The following DPP10 variants were observed in gnomAD, a reference collection of about 807,000 sequenced individuals.
DPP10 encodes the protein inactive dipeptidyl peptidase 10.
Under a neutral mutation model 120.9 loss-of-function variants are expected in DPP10, and 33 were observed. The ratio of observed to expected loss-of-function variants is 0.27; its 90% CI spans 0.21 to 0.37. The LOEUF (loss-of-function observed/expected upper bound fraction) is 0.37, where lower values mean the gene tolerates loss of function less well. Ranked by LOEUF, DPP10 falls within the 10% of genes least tolerant of loss-of-function variation. The pLI is 1.00. For synonymous variants in DPP10, 337 were observed against 326.1 expected, an observed-to-expected ratio of 1.03 and a Z score of -0.36; for missense variants, 816 against 942.8, an observed-to-expected ratio of 0.87 and a Z score of 1.76.
intron 1 of DPP10, among the ~76,000 whole-genome samples, chr2:115,132,919 G>A (rs942672161): frequency 2.2e-4 from 33 of 151,742 alleles, no homozygotes; most frequent in African/African-American, 7.8e-4. Context: ...TGTCATTCCA[G>A]AATTCTCCAT....
chr2:115,695,791 G>A (rs762722943), intron 7 of DPP10, among the ~76,000 whole-genome samples: 2 of 152,084 alleles, frequency 1.3e-5, no homozygotes, highest in East Asian at 3.9e-4. Flanking sequence ...AAGCAATAAG[G>A]AAGTATGGCC....
chr2:114,859,221 G>A (rs62165245), intron 1 of DPP10, among the ~76,000 whole-genome samples: 13,706 of 151,888 alleles, frequency 0.09, 687 homozygotes, highest in Non-Finnish European at 0.12. Flanking sequence ...CACAGAATTA[G>A]CCAGGAGTGG....
At chr2:114,927,939 C>T (rs1027621235) in intron 1 of DPP10, among the ~76,000 whole-genome samples, 1 of 152,056 alleles carries the variant, frequency 6.6e-6, no homozygotes, top group Admixed American at 6.6e-5. Flanking sequence ...CTCTTTTTAT[C>T]AACCAACTCT....
At chr2:115,579,977 C>A (rs2081922506) in intron 5 of DPP10, 3 of 152,140 alleles carry the variant, frequency 2.0e-5, no homozygotes. Context: ...CCCTCCCCCA[C>A]TCCACCCCCT....
intron 1 of DPP10, among the ~76,000 whole-genome samples, chr2:115,263,534 G>C (rs993533876): frequency 6.6e-6 from 1 of 152,220 alleles, no homozygotes. Context: ...AGCTTGCCTA[G>C]TCAAGCTTCA....
chr2:114,737,859 A>G (rs1214520699), intron 1 of DPP10, among the ~76,000 whole-genome samples: 1 of 152,238 alleles, frequency 6.6e-6, no homozygotes, highest in African/African-American at 2.4e-5. Context: ...GGAATGAGGT[A>G]TAATATGTAA....
chr2:114,726,394 A>C (rs935223648), intron 1 of DPP10, among the ~76,000 whole-genome samples: 1 of 152,142 alleles, frequency 6.6e-6, no homozygotes, highest in Non-Finnish European at 1.5e-5. Flanking sequence ...GACCTCCTTA[A>C]CTTGTCATAA....
At chr2:115,445,380 C>T (rs2072481071) in intron 3 of DPP10, among the ~76,000 whole-genome samples, 1 of 152,104 alleles carries the variant, frequency 6.6e-6, no homozygotes, top group African/African-American at 2.4e-5. Context: ...CAGAAGAAGA[C>T]AGGAAGATAT....
chr2:115,680,939 C>G (rs1297891415), intron 5 of DPP10, among the ~76,000 whole-genome samples: 1 of 151,854 alleles, frequency 6.6e-6, no homozygotes, highest in Non-Finnish European at 1.5e-5. Context: ...GTGATTACAG[C>G]TTATGACAGG....
intron 1 of DPP10, among the ~76,000 whole-genome samples, chr2:114,804,953 T>C (rs995702518): frequency 2.6e-5 from 4 of 152,132 alleles, no homozygotes; most frequent in Non-Finnish European, 2.9e-5. Flanking sequence ...TCAATTTGAA[T>C]TGTATCTCCC....
chr2:114,999,145 C>G (rs1701278684), intron 1 of DPP10, among the ~76,000 whole-genome samples: 1 of 152,088 alleles, frequency 6.6e-6, no homozygotes, highest in African/African-American at 2.4e-5. Flanking sequence ...TTTGCTGTAT[C>G]TTCAGGATTT....
intron 17 of DPP10, among the ~76,000 whole-genome samples, chr2:115,784,747 G>A (rs1575768199): frequency 6.6e-6 from 1 of 152,066 alleles, no homozygotes; most frequent in Admixed American, 6.5e-5. Flanking sequence ...GGTCAGGCTG[G>A]TCTCGAACTC....
intron 5 of DPP10, among the ~76,000 whole-genome samples, chr2:115,643,670 C>A (rs980394354): frequency 6.6e-6 from 1 of 152,124 alleles, no homozygotes; most frequent in South Asian, 2.1e-4. Context: ...TTTTTGCCTG[C>A]AAATGTTGCT....
At chr2:114,719,491 G>A (rs879517434) in intron 1 of DPP10, among the ~76,000 whole-genome samples, 3 of 152,188 alleles carry the variant, frequency 2.0e-5, no homozygotes, top group Admixed American at 6.5e-5. Context: ...TAACCAGGAC[G>A]AAAGTGGTTT....
At chr2:114,827,285 A>G (rs1224385492) in intron 1 of DPP10, among the ~76,000 whole-genome samples, 3 of 152,194 alleles carry the variant, frequency 2.0e-5, no homozygotes, top group Non-Finnish European at 4.4e-5. Context: ...TCCTAACCAT[A>G]ATCAATGCTG....
At chr2:115,433,861 A>G (rs1324801505) in intron 3 of DPP10, among the ~76,000 whole-genome samples, 3 of 152,050 alleles carry the variant, frequency 2.0e-5, no homozygotes, top group African/African-American at 4.8e-5. Flanking sequence ...TGTCAATCAG[A>G]TATCACGATT....
chr2:115,463,964 G>C (rs2074147621), intron 3 of DPP10, among the ~76,000 whole-genome samples: 1 of 152,128 alleles, frequency 6.6e-6, no homozygotes, highest in South Asian at 2.1e-4. Context: ...TTTGAGTCCA[G>C]AGTGGCATAT....
At chr2:115,680,033 G>A (rs1444152090) in intron 5 of DPP10, among the ~76,000 whole-genome samples, 1 of 151,854 alleles carries the variant, frequency 6.6e-6, no homozygotes, top group Non-Finnish European at 1.5e-5. Context: ...AATGTTTTAG[G>A]TGATGAGTAT....
chr2:115,187,923 G>A (rs1264649617), intron 1 of DPP10, among the ~76,000 whole-genome samples: 1 of 152,180 alleles, frequency 6.6e-6, no homozygotes, highest in Non-Finnish European at 1.5e-5. Flanking sequence ...GGAGGCTGAG[G>A]TGGGAGTATC....
Sources: allele counts gnomAD v4.1 joint callset (sites outside exome capture counted in the v4.1 genomes callset), GRCh38; gene constraint gnomAD v4.1.1; transcripts MANE v1.5; gene names NCBI Gene and HGNC (gene_info 2026-07-23, HGNC 2026-07-21).